Variants in GRIK4 observed in about 807,000 individuals in gnomAD.
GRIK4 encodes the protein glutamate receptor ionotropic, kainate 4.
In GRIK4, 40 loss-of-function variants were observed where a neutral mutation model predicts 104.9. The observed-to-expected ratio is 0.38, with a 90% CI of 0.30 to 0.50. The LOEUF (loss-of-function observed/expected upper bound fraction) is 0.50, where lower values mean the gene tolerates loss of function less well. Ranked by LOEUF, GRIK4 falls within the 20% of genes least tolerant of loss-of-function variation. The pLI, the probability that GRIK4 is intolerant of heterozygous loss-of-function variation, is 0.93. For missense variants in GRIK4, 1,047 were observed against 1,308.1 expected (o/e 0.80, Z 3.08); for synonymous variants, 485 against 524.9 (o/e 0.92, Z 1.04).
At chr11:120,900,604 G>A (rs1308954989) in intron 12 of GRIK4, among the ~76,000 whole-genome samples, 1 of 152,178 alleles carries the variant, frequency 6.6e-6, no homozygotes, top group Non-Finnish European at 1.5e-5. Context: ...AGCCGGGAAG[G>A]GCCTGGGGTG....
intron 18 of GRIK4, among the ~76,000 whole-genome samples, chr11:120,965,471 C>T (rs144126418): frequency 1.4e-4 from 21 of 152,296 alleles, no homozygotes; most frequent in African/African-American, 4.6e-4. Context: ...CACTTGCACA[C>T]GTTCAGTGCT....
rs1296763445 is a variant in GRIK4, at chr11:120,591,463, C to T, written c.-158-62222C>T. Among the ~76,000 whole-genome samples, 3 of 152,160 alleles carry T rather than the reference C, an allele frequency of 2.0e-5. No homozygotes were observed. In the East Asian group the frequency reaches 5.8e-4, roughly 29 times the overall value. On this transcript the variant is annotated intron_variant, in intron 1 of 20. Transcript: ENST00000527524. ...GATCCAACTCCATCCCATGTTCACT[C>T]TTCCTCTTGGTGTCTTCCCACTAGC... is the stretch of plus-strand genomic sequence containing the variant.
At chr11:120,581,135 T>G (rs1948575795) in intron 1 of GRIK4, among the ~76,000 whole-genome samples, 1 of 152,226 alleles carries the variant, frequency 6.6e-6, no homozygotes, top group Non-Finnish European at 1.5e-5. Flanking sequence ...TTTTGAGAGT[T>G]CTTTATATAT....
chr11:120,870,600 C>T (rs1370754482), intron 9 of GRIK4: 2 of 152,124 alleles, frequency 1.3e-5, no homozygotes, highest in Non-Finnish European at 2.9e-5. Flanking sequence ...GAAGACAGTG[C>T]TGTGGAGAGG....
intron 1 of GRIK4, among the ~76,000 whole-genome samples, chr11:120,616,441 G>T (rs776023438): frequency 6.6e-6 from 1 of 152,234 alleles, no homozygotes. Flanking sequence ...CAAATTGGCC[G>T]TGACAGACAT....
chr11:120,895,067 G>A (rs575413813), intron 11 of GRIK4, among the ~76,000 whole-genome samples: 1 of 152,138 alleles, frequency 6.6e-6, no homozygotes, highest in African/African-American at 2.4e-5. Flanking sequence ...AGAGGAGGGA[G>A]GTGGGAAGGT....
chr11:120,948,743 G>T (rs758728682), intron 14 of GRIK4, among the ~76,000 whole-genome samples: 2 of 152,182 alleles, frequency 1.3e-5, no homozygotes, highest in Non-Finnish European at 2.9e-5. Context: ...ATAAAAGGAA[G>T]TTCCCGCCTT....
chr11:120,917,569 G>A (rs1469152746), intron 13 of GRIK4, among the ~76,000 whole-genome samples: 1 of 152,238 alleles, frequency 6.6e-6, no homozygotes, highest in Non-Finnish European at 1.5e-5. Flanking sequence ...GTGCAGGTGC[G>A]CTGCTTAAAT....
At chr11:120,627,115 T>G (rs1949270104) in intron 1 of GRIK4, among the ~76,000 whole-genome samples, 1 of 152,152 alleles carries the variant, frequency 6.6e-6, no homozygotes, top group African/African-American at 2.4e-5. Flanking sequence ...CAGCTCAGTG[T>G]CCCTCTGTGT....
intron 3 of GRIK4, among the ~76,000 whole-genome samples, chr11:120,740,168 C>A (rs1951302192): frequency 6.6e-6 from 1 of 152,208 alleles, no homozygotes; most frequent in Admixed American, 6.5e-5. Context: ...TGAGCCTACT[C>A]TCCACTTCAA....
chr11:120,845,107 A>G (rs1367954261), intron 8 of GRIK4, among the ~76,000 whole-genome samples: 2 of 152,210 alleles, frequency 1.3e-5, no homozygotes, highest in African/African-American at 4.8e-5. Flanking sequence ...AAAGGCCATT[A>G]TGAAGTGATC....
intron 1 of GRIK4, among the ~76,000 whole-genome samples, chr11:120,551,297 T>G (rs1948137276): frequency 6.6e-6 from 1 of 152,190 alleles, no homozygotes; most frequent in African/African-American, 2.4e-5. Context: ...GTCTCTGACC[T>G]TCTCCTGCCC....
At chr11:120,711,008 T>TG (rs1950725597) in intron 3 of GRIK4, among the ~76,000 whole-genome samples, 1 of 120,824 alleles carries the variant, frequency 8.3e-6, no homozygotes, top group African/African-American at 4.2e-5. Flanking sequence ...GGGGAGGGGG[T>TG]GTGAGCAGCT....
rs1442857685 is a variant in GRIK4 at position 120,933,392 on chromosome 11, T to TCCCAACAGGTGCAGG, written c.1477-6955_1477-6954insCCCAACAGGTGCAGG. The stretch of plus-strand genomic sequence containing the variant: ...CAACAGCAAAGACTTACTGGCTACT[T>TCCCAACAGGTGCAGG]ACTTCAAACCAGGCCCCATGCTCAG... On this transcript the variant is annotated intron_variant, in intron 13 of 20. Coordinates refer to ENST00000527524, the MANE Select transcript of GRIK4 (RefSeq NM_014619.5). 2.4e-4 allele frequency among the ~76,000 whole-genome samples: 36 copies of TCCCAACAGGTGCAGG among 152,326 alleles called. No individual in the cohort carries two copies. The East Asian group carries it at 6.7e-3, about 29-fold the overall frequency.
At chr11:120,558,979 CTG>C (rs1163657561) in intron 1 of GRIK4, among the ~76,000 whole-genome samples, 4 of 152,118 alleles carry the variant, frequency 2.6e-5, no homozygotes, top group Non-Finnish European at 5.9e-5. Context: ...CATATTTTTG[CTG>C]TGTTTATTCT....
intron 13 of GRIK4, among the ~76,000 whole-genome samples, chr11:120,909,331 A>C (rs956002499): frequency 4.6e-5 from 7 of 152,234 alleles, no homozygotes; most frequent in African/African-American, 1.7e-4. Flanking sequence ...CTGTCTCTCA[A>C]TGCCCCTTTT....
At chr11:120,815,030 G>T (rs1032224807) in intron 4 of GRIK4, among the ~76,000 whole-genome samples, 2 of 152,222 alleles carry the variant, frequency 1.3e-5, no homozygotes, top group Admixed American at 6.5e-5. Flanking sequence ...CCCCCTGCAG[G>T]CCAGGCCAGG....
chr11:120,728,236 TGTTA>T (rs1218432337), intron 3 of GRIK4, among the ~76,000 whole-genome samples: 5 of 152,166 alleles, frequency 3.3e-5, no homozygotes, highest in Non-Finnish European at 7.4e-5. Flanking sequence ...TACAGTCATA[TGTTA>T]TGAGAGAAGA....
rs1195588523 is a variant in GRIK4, at chr11:120,914,028, G to A, written c.1476+8535G>A. On this transcript the variant is annotated intron_variant, in intron 13 of 20. Transcript: ENST00000527524. The stretch of plus-strand genomic sequence containing the variant: ...TCCACTCCTTCCCCGTGTGACAGCC[G>A]AGCTCAGCGAGGGCTTTGCTTTACC... 5.3e-5 allele frequency among the ~76,000 whole-genome samples: 8 copies of A among 152,322 alleles called. No homozygotes were observed. The South Asian group carries it at 1.2e-3, about 24-fold the overall frequency.
Sources: gnomAD v4.1 joint callset for allele counts (sites outside exome capture counted in the v4.1 genomes callset) on GRCh38, gnomAD v4.1.1 for gene constraint, MANE v1.5 for transcripts, NCBI Gene and HGNC (gene_info 2026-07-23, HGNC 2026-07-21) for gene names.